SH3BP4: variants seen among roughly 807,000 people sequenced by gnomAD.
SH3BP4 encodes the protein SH3 domain-binding protein 4.
Under a neutral mutation model 65.5 loss-of-function variants are expected in SH3BP4, and 33 were observed. That is an observed-to-expected ratio of 0.50 (90% CI 0.38 to 0.67). The LOEUF (loss-of-function observed/expected upper bound fraction) is 0.67. Among genes scored for constraint, SH3BP4 ranks in the 30% least tolerant of loss-of-function variants. The pLI is 0.00. For synonymous variants in SH3BP4, 552 were observed against 545.5 expected (o/e 1.01, Z -0.17); for missense variants, 1,134 against 1,261.4 (o/e 0.90, Z 1.53).
intron 2 of SH3BP4, among the ~76,000 whole-genome samples, chr2:234,996,367 T>TC (rs1693920279): frequency 6.6e-6 from 1 of 152,086 alleles, no homozygotes; most frequent in African/African-American, 2.4e-5. Context: ...TTTCAACTTC[T>TC]CCCCCCACCC....
rs754031477 is a variant in SH3BP4, at chr2:235,041,733, A to G, written c.964A>G (p.Lys322Glu). 12 of 1,610,948 alleles carry G rather than the reference A, an allele frequency of 7.4e-6. No individual in the cohort carries two copies. In the South Asian group the frequency reaches 9.9e-5, roughly 13 times the overall value. The change falls in exon 4 of 6, where the codon AAG becomes GAG. Residue 322 changes from lysine (K) to glutamate (E), a missense_variant. Lys to Glu is a moderately conservative substitution (Grantham distance 56). Transcript: ENST00000392011. This position sits in a 1 kb window ranked among gnomAD's most constrained non-coding sequence, Gnocchi z 6.0. ...AGCCGTGGAGACAAACATCGTGTGC[A>G]AGCTGGATAGCTCCGGGGGTGCTGT... ...TQAVETNIVCKLDSSGGAVQL... is the reference protein window; with the variant it reads ...TQAVETNIVCELDSSGGAVQL...
At chr2:235,010,775 CCCTTCCTCCCTCTCCTAGGAGAAA>C (rs1464640218) in intron 2 of SH3BP4, among the ~76,000 whole-genome samples, 1 of 128,718 alleles carries the variant, frequency 7.8e-6, no homozygotes, top group Non-Finnish European at 1.7e-5. Context: ...CCTAGGAGAA[CCCTTCCTCCCTCTCCTAGGAGAAA>C]CCTTCCTCCC....
At chr2:235,047,699 G>A (rs1695913162) in intron 4 of SH3BP4, among the ~76,000 whole-genome samples, 1 of 152,226 alleles carries the variant, frequency 6.6e-6, no homozygotes, top group Admixed American at 6.5e-5. Flanking sequence ...CTCAGGCCCA[G>A]GGAGAACTTC....
chr2:235,041,135 C>T lies in SH3BP4; in HGVS notation c.366C>T (p.Ser122=), dbSNP rs372707115. Residue 122 remains serine, a synonymous_variant, in exon 4 of 6, where the codon AGC becomes AGT. Transcript: ENST00000392011. The surrounding 1 kb of genome is among the most constrained non-coding windows in gnomAD (Gnocchi z 6.0). ...LNYRNSTLSD[S]GMIDNLPDSP... is the part of the protein sequence containing the mutation. ...ACCGGAACTCAACACTGAGTGACAG[C>T]GGTATGATTGATAATCTTCCAGACA... 54 of 1,614,032 alleles carry T rather than the reference C, an allele frequency of 3.3e-5. No homozygotes were observed. Among genetic ancestry groups the T allele is most frequent in the African/African-American group, 1.7e-4 (13 of 74,900 alleles).
chr2:234,962,726 A>G (rs1178783865), intron 1 of SH3BP4, among the ~76,000 whole-genome samples: 1 of 151,732 alleles, frequency 6.6e-6, no homozygotes, highest in Non-Finnish European at 1.5e-5. Flanking sequence ...TTCAATAAGT[A>G]TTTATTGAAT....
rs1559258565 is a variant in SH3BP4, at chr2:235,043,193, CTG to C, written c.2426_2427del (p.Cys809Ter). On this transcript the variant is annotated frameshift_variant, in exon 4 of 6. Transcript: ENST00000392011. LOFTEE classifies it high-confidence loss of function. ...CCGTCCTAGAAAAGCTGAAGGAGGACTGTAACAACACTGAGAACAAAGAACGG... is the reference window on the plus strand; with the variant it reads ...CCGTCCTAGAAAAGCTGAAGGAGGACTAACAACACTGAGAACAAAGAACGG... ...ASVLEKLKED[C>X]NNTENKERKS... is the part of the protein sequence containing the mutation. 1.2e-6 allele frequency: 2 copies of C among 1,606,234 alleles called. No homozygotes were observed. Among genetic ancestry groups the C allele is most frequent in the South Asian group, 2.2e-5 (2 of 90,548 alleles).
intron 2 of SH3BP4, among the ~76,000 whole-genome samples, chr2:235,013,228 G>A (rs543701068): frequency 2.2e-4 from 34 of 152,352 alleles, no homozygotes; most frequent in Non-Finnish European, 3.8e-4. Flanking sequence ...CGCTGTCCGA[G>A]TGGCTTTCTC....
At chr2:235,004,736 C>T (rs551753999) in intron 2 of SH3BP4, among the ~76,000 whole-genome samples, 2 of 152,316 alleles carry the variant, frequency 1.3e-5, no homozygotes, top group African/African-American at 4.8e-5. Flanking sequence ...GCATAATATT[C>T]CATTGTATGG....
intron 1 of SH3BP4, among the ~76,000 whole-genome samples, chr2:234,990,241 T>C (rs1466761777): frequency 1.3e-5 from 2 of 152,226 alleles, no homozygotes; most frequent in Non-Finnish European, 2.9e-5. Context: ...TTGGTTCTAC[T>C]GACTGGCTCT....
intron 1 of SH3BP4, chr2:234,995,039 TGTGGCCTCAAAAGGGCTCTTTCCA>T: frequency 6.6e-6 from 1 of 152,494 alleles, no homozygotes; most frequent in Middle Eastern, 3.4e-3. Flanking sequence ...AGGGGGCTGA[TGTGGCCTCAAAAGGGCTCTTTCCA>T]GTGAGACAGT....
rs376577753 is a variant in SH3BP4, at chr2:235,042,414, G to C, written c.1645G>C (p.Glu549Gln). 3 of 1,614,154 alleles carry C rather than the reference G, an allele frequency of 1.9e-6. No individual in the cohort carries two copies. The highest frequency in any genetic ancestry group is 2.5e-6 in the Non-Finnish European group (3 of 1,180,040). Residue 549 changes from glutamate (E) to glutamine (Q), a missense_variant, in exon 4 of 6, where the codon GAG (glutamate) becomes CAG (glutamine). Coordinates refer to ENST00000392011, the MANE Select transcript of SH3BP4 (RefSeq NM_014521.3). This position sits in a 1 kb window ranked among gnomAD's most constrained non-coding sequence, Gnocchi z 7.3. ...TATGTTTTCCAATATGACGAATTAC[G>C]AGGTCAAAGCCAGCGAGCAGGCCAA... is the stretch of plus-strand genomic sequence containing the variant. Reference protein sequence around the residue: ...VCMFSNMTNYEVKASEQAKVV... With the variant: ...VCMFSNMTNYQVKASEQAKVV...
At chr2:235,038,360 A>AT (rs71062381) in intron 3 of SH3BP4, among the ~76,000 whole-genome samples, 2,095 of 8,298 alleles carry the variant, frequency 0.25, 289 homozygotes, top group South Asian at 0.54. Flanking sequence ...TTATATATAT[A>AT]TATATAATAT....
chr2:234,990,055 A>C (rs1274706878), intron 1 of SH3BP4, among the ~76,000 whole-genome samples: 1 of 152,268 alleles, frequency 6.6e-6, no homozygotes, highest in Non-Finnish European at 1.5e-5. Context: ...CCTTTGGACT[A>C]TGTGTATAAG....
Position 235,042,447 on chromosome 2 carries a change from C to G in SH3BP4, c.1678C>G (p.Arg560Gly). 3 of 1,614,134 alleles carry G rather than the reference C, an allele frequency of 1.9e-6. No homozygotes were observed. Among genetic ancestry groups the G allele is most frequent in the Admixed American group, 1.7e-5 (1 of 60,012 alleles). Residue 560 changes from arginine (R) to glycine (G), a missense_variant, in exon 4 of 6, where the codon CGA (arginine) becomes GGA (glycine). Transcript: ENST00000392011. The surrounding 1 kb of genome is among the most constrained non-coding windows in gnomAD (Gnocchi z 7.3). ...AGCCAGCGAGCAGGCCAAAGTGGTG[C>G]GAGGATTCCAGCTGAAGCTGGGCAA... ...VKASEQAKVV[R>G]GFQLKLGKVS... is the part of the protein sequence containing the mutation.
intron 4 of SH3BP4, among the ~76,000 whole-genome samples, chr2:235,044,877 C>T (rs1298475762): frequency 6.6e-6 from 1 of 152,218 alleles, no homozygotes; most frequent in African/African-American, 2.4e-5. Flanking sequence ...AGCATGGAGC[C>T]ACGAGATTGC....
rs1371472478 is a variant in SH3BP4, at chr2:234,967,833, A to G, written c.-207+15663A>G. Among the ~76,000 whole-genome samples, 1 of 152,134 alleles carries G rather than the reference A, an allele frequency of 6.6e-6. No individual in the cohort carries two copies. Among genetic ancestry groups the G allele is most frequent in the Non-Finnish European group, 1.5e-5 (1 of 68,022 alleles). ...GGATCCCTGCCACCCTGAGTGGCGG[A>G]TGCTGCAGAGACAACTCTTTATACC... On this transcript the variant is annotated intron_variant, in intron 1 of 5. Coordinates refer to ENST00000392011, the MANE Select transcript of SH3BP4 (RefSeq NM_014521.3). The surrounding 1 kb of genome is among the most constrained non-coding windows in gnomAD (Gnocchi z 4.6).
Position 235,035,111 on chromosome 2 carries a change from G to C in SH3BP4, c.109G>C (p.Asp37His). ...AGGGTTTTCAGAGACGAGCTTTAAT[G>C]ACATCAAAGGTGAGCTTCTGGGGAA... ...SEGFSETSFNDIKVPSPSALL... is the reference protein window; with the variant it reads ...SEGFSETSFNHIKVPSPSALL... The change falls in exon 3 of 6, where the codon GAC (aspartate) becomes CAC (histidine). Residue 37 changes from aspartate to histidine, a missense_variant. Physicochemically the swap from Asp to His is moderately conservative, Grantham distance 81 (BLOSUM62 -1). Coordinates refer to ENST00000392011, the MANE Select transcript of SH3BP4 (RefSeq NM_014521.3). The surrounding 1 kb of genome is among the most constrained non-coding windows in gnomAD (Gnocchi z 5.0). 2 of 1,611,640 alleles carry C rather than the reference G, an allele frequency of 1.2e-6. No homozygotes were observed.
intron 2 of SH3BP4, among the ~76,000 whole-genome samples, chr2:235,021,451 TA>T (rs1196883417): frequency 4.9e-4 from 71 of 144,764 alleles, no homozygotes; most frequent in Admixed American, 6.9e-4. Flanking sequence ...CTGTCTCTAC[TA>T]AAAAAAAAAA....
chr2:235,047,454 G>A (rs1337251194), intron 4 of SH3BP4, among the ~76,000 whole-genome samples: 1 of 152,218 alleles, frequency 6.6e-6, no homozygotes, highest in African/African-American at 2.4e-5. Flanking sequence ...GTCAGGCAAA[G>A]AGGAGGGGCA....
Sources: allele counts gnomAD v4.1 joint callset (sites outside exome capture counted in the v4.1 genomes callset), GRCh38; gene constraint gnomAD v4.1.1; non-coding constraint Gnocchi (gnomAD v3.1); transcripts MANE v1.5; gene names NCBI Gene and HGNC (gene_info 2026-07-23, HGNC 2026-07-21).